Variants in NPAS3 observed in about 807,000 individuals in gnomAD.
NPAS3 encodes neuronal PAS domain protein 3, also known as neuronal PAS domain-containing protein 3.
In NPAS3, 14 loss-of-function variants were observed where a neutral mutation model predicts 73.1. The ratio of observed to expected loss-of-function variants is 0.19; its 90% confidence interval spans 0.13 to 0.30. The LOEUF is 0.30. NPAS3 is among the 10% of genes least tolerant of loss of function. NPAS3 has a pLI of 1.00. For synonymous variants in NPAS3, 620 were observed against 541.5 expected (o/e 1.14, Z -2.01); for missense variants, 1,096 against 1,250.0 (o/e 0.88, Z 1.86).
At chr14:33,582,791 A>G (rs1226633121) in intron 5 of NPAS3, among the ~76,000 whole-genome samples, 1 of 152,192 alleles carries the variant, frequency 6.6e-6, no homozygotes, top group African/African-American at 2.4e-5. Flanking sequence ...GTATGCTATA[A>G]CTAATGGAGA....
At chr14:33,655,893 A>G (rs776180488) in intron 5 of NPAS3, among the ~76,000 whole-genome samples, 11 of 152,118 alleles carry the variant, frequency 7.2e-5, no homozygotes, top group Admixed American at 2.0e-4. Context: ...TTTTCTATCT[A>G]TTTGCAAACA....
intron 3 of NPAS3, among the ~76,000 whole-genome samples, chr14:33,244,392 C>A (rs1409587752): frequency 2.0e-5 from 3 of 151,938 alleles, no homozygotes; most frequent in African/African-American, 7.3e-5. Flanking sequence ...GCTCTGAAAG[C>A]AGTTGGGCAT....
chr14:33,328,057 C>T (rs1218340807), intron 3 of NPAS3, among the ~76,000 whole-genome samples: 2 of 152,160 alleles, frequency 1.3e-5, no homozygotes, highest in South Asian at 2.1e-4. Flanking sequence ...ATTCTATTGG[C>T]ACTGGAAATA....
At position 33,287,030 on chromosome 14, in the gene NPAS3, A is replaced by G. The variant is rs539702743; in HGVS notation, c.385+71604A>G. Among the ~76,000 whole-genome samples the G allele has an allele frequency of 2.6e-5, 4 of 152,334 alleles. No homozygotes were observed. In the East Asian group the frequency reaches 5.8e-4, roughly 22 times the overall value. Reference sequence around the variant, plus strand: ...TCGGGAAAAAATCTAATTTGCAGATAGGATGTTTATCTTTAGATAATAAAA... The same window carrying G: ...TCGGGAAAAAATCTAATTTGCAGATGGGATGTTTATCTTTAGATAATAAAA... On this transcript the variant is annotated intron_variant, in intron 3 of 11. Coordinates refer to ENST00000356141, the Ensembl canonical transcript of NPAS3.
Position 33,046,150 on chromosome 14 carries a change from G to A in NPAS3, c.51-9755G>A, listed in dbSNP as rs143440773. On this transcript the variant is annotated intron_variant, in intron 1 of 11. Transcript: ENST00000356141. ...GCTTGGTAAATCCTGAAAGGTATAT[G>A]TGGGTCTGCCAGGGAAGTACAAGTG... Among the ~76,000 whole-genome samples, 500 of 152,322 alleles carry A rather than the reference G, an allele frequency of 3.3e-3. 1 individual carries two copies. The highest frequency in any genetic ancestry group is 0.011 in the African/African-American group (477 of 41,572).
At chr14:33,748,108 A>T (rs1595545799) in intron 7 of NPAS3, among the ~76,000 whole-genome samples, 1 of 152,250 alleles carries the variant, frequency 6.6e-6, no homozygotes, top group African/African-American at 2.4e-5. Flanking sequence ...TTGTTTTTTA[A>T]AAAATGAATT....
chr14:33,324,160 G>T (rs2043584920), intron 3 of NPAS3, among the ~76,000 whole-genome samples: 1 of 152,184 alleles, frequency 6.6e-6, no homozygotes, highest in Non-Finnish European at 1.5e-5. Context: ...CCTTCCTGCA[G>T]TCTGCCAGTG....
chr14:33,011,717 G>A (rs750927912), intron 1 of NPAS3, among the ~76,000 whole-genome samples: 1 of 152,036 alleles, frequency 6.6e-6, no homozygotes, highest in Non-Finnish European at 1.5e-5. Flanking sequence ...CTTACACTTC[G>A]AAAATAATTT....
In NPAS3 at chr14:33,800,922, T is replaced by A; in HGVS notation, c.2615T>A (p.Leu872His). The A allele has an allele frequency of 6.2e-7, 1 of 1,608,622 alleles. No homozygotes were observed. The highest frequency in any genetic ancestry group is 8.5e-7 in the Non-Finnish European group (1 of 1,178,036). ...GACCCCAAGACGCCCATGGAGATGC[T>A]CTACCACCACGTGCACCGGCTCAAC... Residue 872 changes from leucine to histidine, a missense_variant, in exon 12 of 12, where the codon CTC (leucine) becomes CAC (histidine). By Grantham distance (99) the Leu-to-His change is moderately conservative. Transcript: ENST00000356141. This position sits in a 1 kb window ranked among gnomAD's most constrained non-coding sequence, Gnocchi z 6.5.
At chr14:33,247,731 G>T (rs773308321) in intron 3 of NPAS3, among the ~76,000 whole-genome samples, 1 of 152,154 alleles carries the variant, frequency 6.6e-6, no homozygotes, top group Admixed American at 6.5e-5. Flanking sequence ...GTTTTAAGAA[G>T]TCCTCATGTC....
chr14:33,083,614 T>A (rs909882766), intron 2 of NPAS3, among the ~76,000 whole-genome samples: 1 of 152,212 alleles, frequency 6.6e-6, no homozygotes, highest in African/African-American at 2.4e-5. Context: ...CTATGCTCTA[T>A]TTTATTTTAA....
intron 4 of NPAS3, among the ~76,000 whole-genome samples, chr14:33,508,038 G>T (rs946399491): frequency 1.3e-5 from 2 of 151,952 alleles, no homozygotes; most frequent in African/African-American, 4.8e-5. Flanking sequence ...CACTCAACTT[G>T]CCATGGAAAA....
chr14:33,461,370 A>G (rs2050257192), intron 4 of NPAS3, among the ~76,000 whole-genome samples: 2 of 152,198 alleles, frequency 1.3e-5, no homozygotes, highest in South Asian at 4.1e-4. Flanking sequence ...TGTTCTGCCT[A>G]TTTCAATAAG....
intron 3 of NPAS3, among the ~76,000 whole-genome samples, chr14:33,230,540 A>G (rs193208010): frequency 1.3e-5 from 2 of 152,372 alleles, no homozygotes; most frequent in African/African-American, 2.4e-5. Context: ...TTTACATAAA[A>G]GAGAATTACA....
chr14:33,607,111 A>C (rs2057594302), intron 5 of NPAS3, among the ~76,000 whole-genome samples: 1 of 152,204 alleles, frequency 6.6e-6, no homozygotes, highest in African/African-American at 2.4e-5. Context: ...AAAATAGTTT[A>C]GCAATTTTCT....
At chr14:33,148,535 T>C (rs917975404) in intron 2 of NPAS3, among the ~76,000 whole-genome samples, 1 of 152,154 alleles carries the variant, frequency 6.6e-6, no homozygotes, top group Admixed American at 6.5e-5. Flanking sequence ...TCCTGAAAAG[T>C]TTTGCATTCT....
At chr14:33,595,760 G>A (rs1012869449) in intron 5 of NPAS3, among the ~76,000 whole-genome samples, 9 of 151,936 alleles carry the variant, frequency 5.9e-5, no homozygotes, top group East Asian at 3.9e-4. Flanking sequence ...AAGATCCGCC[G>A]CCCGGGTTCA....
intron 4 of NPAS3, among the ~76,000 whole-genome samples, chr14:33,539,687 A>G (rs2054421046): frequency 6.6e-6 from 1 of 152,186 alleles, no homozygotes; most frequent in Non-Finnish European, 1.5e-5. Context: ...CCAAGTATCC[A>G]TGCACACTTT....
intron 1 of NPAS3, among the ~76,000 whole-genome samples, chr14:33,048,716 G>C (rs919306993): frequency 7.2e-5 from 11 of 152,166 alleles, no homozygotes; most frequent in African/African-American, 2.7e-4. Flanking sequence ...TGACAAAATA[G>C]AGGTCACAGT....
Sources: allele counts gnomAD v4.1 joint callset (sites outside exome capture counted in the v4.1 genomes callset), GRCh38; gene constraint gnomAD v4.1.1; non-coding constraint Gnocchi (gnomAD v3.1); transcripts MANE v1.5; gene names NCBI Gene and HGNC (gene_info 2026-07-23, HGNC 2026-07-21).